Variants in LDB2 observed in about 807,000 individuals in gnomAD.
LDB2 encodes the protein LIM domain binding 2.
A neutral mutation model predicts 44.3 loss-of-function variants in LDB2; 12 were observed. That is an observed-to-expected ratio of 0.27 (90% CI 0.17 to 0.44). The LOEUF is 0.44. LDB2 is among the 20% of genes least tolerant of loss of function. The probability of loss-of-function intolerance (pLI) is 1.00; values close to 1 mark genes in which losing one functional copy is unlikely to be tolerated. For synonymous variants in LDB2, 164 were observed against 174.8 expected, an observed-to-expected ratio of 0.94 and a Z score of 0.49; for missense variants, 344 against 473.5, an observed-to-expected ratio of 0.73 and a Z score of 2.54.
At chr4:16,736,224 C>A (rs1430501343) in intron 2 of LDB2, among the ~76,000 whole-genome samples, 8 of 152,210 alleles carry the variant, frequency 5.3e-5, no homozygotes, top group Non-Finnish European at 1.0e-4. Context: ...CTTCAACTCA[C>A]CTGCTACATT....
intron 2 of LDB2, among the ~76,000 whole-genome samples, chr4:16,721,293 T>C (rs938069666): frequency 6.6e-6 from 1 of 152,120 alleles, no homozygotes; most frequent in Non-Finnish European, 1.5e-5. Context: ...ATTATCCACA[T>C]TGATAACTGA....
At chr4:16,565,896 T>C (rs939533970) in intron 5 of LDB2, among the ~76,000 whole-genome samples, 5 of 151,956 alleles carry the variant, frequency 3.3e-5, no homozygotes, top group African/African-American at 9.7e-5. Context: ...ACGAAAGTTA[T>C]TAAGAAATGG....
chr4:16,769,313 T>TC (rs397699940), intron 1 of LDB2, among the ~76,000 whole-genome samples: 1 of 151,744 alleles, frequency 6.6e-6, no homozygotes, highest in Non-Finnish European at 1.5e-5. Flanking sequence ...TATTTTTTTT[T>TC]GAGATGGAGT....
intron 1 of LDB2, among the ~76,000 whole-genome samples, chr4:16,776,691 A>T (rs1771983455): frequency 6.6e-6 from 1 of 152,260 alleles, no homozygotes; most frequent in Non-Finnish European, 1.5e-5. Context: ...ACAAATAATG[A>T]AAAAGATGAA....
chr4:16,659,705 A>G (rs948865294), intron 2 of LDB2, among the ~76,000 whole-genome samples: 2 of 149,764 alleles, frequency 1.3e-5, no homozygotes, highest in East Asian at 3.9e-4. Flanking sequence ...ATGTATGTAT[A>G]TATGTAACAA....
At chr4:16,773,024 G>A (rs1771047621) in intron 1 of LDB2, among the ~76,000 whole-genome samples, 1 of 152,158 alleles carries the variant, frequency 6.6e-6, no homozygotes, top group Non-Finnish European at 1.5e-5. Context: ...TATTTGATGA[G>A]GAGTGTGGAG....
At chr4:16,531,171 A>G (rs1302280435) in intron 5 of LDB2, among the ~76,000 whole-genome samples, 3 of 152,188 alleles carry the variant, frequency 2.0e-5, no homozygotes, top group African/African-American at 7.2e-5. Flanking sequence ...CTGCAGCCCA[A>G]GTTCTTCCCA....
intron 1 of LDB2, among the ~76,000 whole-genome samples, chr4:16,818,499 AATTTGTTGATC>A (rs1781352093): frequency 6.6e-6 from 1 of 152,188 alleles, no homozygotes; most frequent in African/African-American, 2.4e-5. Flanking sequence ...CAATATTTTG[AATTTGTTGATC>A]ATTTGTTGTT....
intron 3 of LDB2, among the ~76,000 whole-genome samples, chr4:16,592,465 CATATAT>C (rs71589671): frequency 0.23 from 26,343 of 116,522 alleles, 3,123 homozygotes; most frequent in East Asian, 0.33. Context: ...ATTATACATA[CATATAT>C]ATATATATAT....
intron 1 of LDB2, among the ~76,000 whole-genome samples, chr4:16,786,863 T>C (rs899630947): frequency 2.0e-5 from 3 of 152,146 alleles, no homozygotes; most frequent in Non-Finnish European, 4.4e-5. Flanking sequence ...CCCTAAGCCC[T>C]GCACACTCTA....
At chr4:16,715,857 T>C (rs1464652040) in intron 2 of LDB2, among the ~76,000 whole-genome samples, 3 of 152,142 alleles carry the variant, frequency 2.0e-5, no homozygotes, top group South Asian at 2.1e-4. Context: ...GCTGCTGCTG[T>C]AGACCTTTTT....
rs61355746 is a variant in LDB2, at chr4:16,813,940, C to T, written c.133-54680G>A. Reference sequence around the variant, plus strand: ...AGGCTGGAGTGCAGTGGCGCGATCTCGGCTCACTGCAAGCTCTGCCTCCCA... The same window carrying T: ...AGGCTGGAGTGCAGTGGCGCGATCTTGGCTCACTGCAAGCTCTGCCTCCCA... On this transcript the variant is annotated intron_variant, in intron 1 of 7. Transcript: ENST00000304523. 4.8e-3 allele frequency among the ~76,000 whole-genome samples: 733 copies of T among 151,168 alleles called. 4 individuals are homozygous for T. Among genetic ancestry groups the T allele is most frequent in the African/African-American group, 0.016 (645 of 41,102 alleles).
At chr4:16,697,266 TACACACAC>T (rs57040700) in intron 2 of LDB2, among the ~76,000 whole-genome samples, 2,839 of 130,730 alleles carry the variant, frequency 0.022, 36 homozygotes, top group Non-Finnish European at 0.03. Context: ...CTACTAAAAA[TACACACAC>T]ACACACACAC....
intron 2 of LDB2, among the ~76,000 whole-genome samples, chr4:16,673,717 C>A (rs1363871113): frequency 1.3e-5 from 2 of 152,116 alleles, no homozygotes; most frequent in Admixed American, 1.3e-4. Context: ...GTGCTACTGG[C>A]ATATAGTACG....
Position 16,502,410 on chromosome 4 carries a change from G to T in LDB2, c.*233C>A. 1.8e-6 allele frequency: 1 copy of T among 552,462 alleles called. No homozygotes were observed. The allele number at this position is 552,462 out of a possible 1,614,324, so 34.2% of individuals were successfully genotyped here. A position where few individuals can be genotyped will look rare whatever the true frequency, so the allele number is the denominator to read the frequency against. ...CTCATTTTAATTACAATCAGTGCCA[G>T]TATCTGTATTACCTGTGAAGGCCTC... On this transcript the variant is annotated 3_prime_UTR_variant, in exon 8 of 8. Transcript: ENST00000304523.
intron 5 of LDB2, among the ~76,000 whole-genome samples, chr4:16,520,028 C>T (rs1725390157): frequency 6.6e-6 from 1 of 151,992 alleles, no homozygotes; most frequent in Non-Finnish European, 1.5e-5. Context: ...AGGCCAATGG[C>T]ACATGGCATT....
chr4:16,587,038 A>G (rs568373897), intron 4 of LDB2, among the ~76,000 whole-genome samples: 4 of 152,362 alleles, frequency 2.6e-5, no homozygotes, highest in Non-Finnish European at 4.4e-5. Flanking sequence ...ATTTCCTAAA[A>G]GAGGTCTTCC....
chr4:16,896,043 C>T (rs1724908500), intron 1 of LDB2, among the ~76,000 whole-genome samples: 1 of 151,830 alleles, frequency 6.6e-6, no homozygotes, highest in African/African-American at 2.4e-5. Flanking sequence ...AGTATTGAGG[C>T]AATTATTTGA....
chr4:16,729,388 C>T (rs1561019273), intron 2 of LDB2, among the ~76,000 whole-genome samples: 2 of 151,928 alleles, frequency 1.3e-5, no homozygotes, highest in Non-Finnish European at 2.9e-5. Flanking sequence ...AGCTGGGCCA[C>T]GTGAAATTCA....
Sources: allele counts gnomAD v4.1 joint callset (sites outside exome capture counted in the v4.1 genomes callset), GRCh38; gene constraint gnomAD v4.1.1; transcripts MANE v1.5; gene names NCBI Gene and HGNC (gene_info 2026-07-23, HGNC 2026-07-21).